The following PPM1H variants were observed in gnomAD, a reference collection of about 807,000 sequenced individuals.
PPM1H encodes the protein protein phosphatase 1H.
A neutral mutation model predicts 54.9 loss-of-function variants in PPM1H; 27 were observed. The observed-to-expected ratio is 0.49, with a 90% CI of 0.36 to 0.68. PPM1H has a LOEUF of 0.68. Ranked by LOEUF, PPM1H falls within the 30% of genes least tolerant of loss-of-function variation. The pLI is 0.00. For missense variants in PPM1H, 596 were observed against 667.8 expected, an observed-to-expected ratio of 0.89 and a Z score of 1.19; for synonymous variants, 305 against 270.8, an observed-to-expected ratio of 1.13 and a Z score of -1.24.
chr12:62,800,617 A>G (rs1013321219), intron 3 of PPM1H, among the ~76,000 whole-genome samples: 2 of 152,054 alleles, frequency 1.3e-5, no homozygotes, highest in African/African-American at 4.8e-5. Context: ...GATTACAGGC[A>G]TGAACCACCG....
chr12:62,854,336 A>G (rs1869304914), intron 1 of PPM1H, among the ~76,000 whole-genome samples: 1 of 152,242 alleles, frequency 6.6e-6, no homozygotes. Flanking sequence ...GCTGCAACTC[A>G]GGAATGATCT....
chr12:62,706,324 C>T lies in PPM1H; in HGVS notation c.1074-12325G>A, dbSNP rs556746569. ...CTACTAACCCCCATATTATTCAGGC[C>T]GCCAAGGCAAGAAGCGCAGGCCTGA... On this transcript the variant is annotated intron_variant, in intron 6 of 9. Coordinates refer to ENST00000228705, the MANE Select transcript of PPM1H (RefSeq NM_020700.2). Among the ~76,000 whole-genome samples, 10 of 152,260 alleles carry T rather than the reference C, an allele frequency of 6.6e-5. No homozygotes were observed. The East Asian group carries it at 7.7e-4, about 12-fold the overall frequency.
chr12:62,789,509 G>C (rs1369824076), intron 3 of PPM1H, among the ~76,000 whole-genome samples: 3 of 152,046 alleles, frequency 2.0e-5, no homozygotes, highest in Admixed American at 6.6e-5. Context: ...TGACTTATAG[G>C]GCTTCTGAAC....
intron 8 of PPM1H, among the ~76,000 whole-genome samples, chr12:62,672,071 A>G (rs2075959574): frequency 6.6e-6 from 1 of 152,130 alleles, no homozygotes; most frequent in South Asian, 2.1e-4. Context: ...CCAACTTAAC[A>G]CCTGGTTCAC....
intron 6 of PPM1H, among the ~76,000 whole-genome samples, chr12:62,710,783 T>C (rs2076203027): frequency 6.6e-6 from 1 of 152,208 alleles, no homozygotes; most frequent in Non-Finnish European, 1.5e-5. Flanking sequence ...CTTTGTCTTT[T>C]TGTTTTCTAG....
intron 1 of PPM1H, among the ~76,000 whole-genome samples, chr12:62,906,722 T>A (rs699580): frequency 0.33 from 50,120 of 152,084 alleles, 9,929 homozygotes; most frequent in Non-Finnish European, 0.45. Context: ...GAGGCAACAA[T>A]AGAAGAAGAT....
At chr12:62,884,783 A>G (rs1170008895) in intron 1 of PPM1H, among the ~76,000 whole-genome samples, 1 of 152,198 alleles carries the variant, frequency 6.6e-6, no homozygotes, top group Non-Finnish European at 1.5e-5. Context: ...AAATTTGGGC[A>G]TGGTAGAGTT....
intron 1 of PPM1H, among the ~76,000 whole-genome samples, chr12:62,879,492 C>T (rs1870311908): frequency 6.6e-6 from 1 of 152,122 alleles, no homozygotes; most frequent in South Asian, 2.1e-4. Flanking sequence ...AACCATCATT[C>T]TCAGCAAAAT....
At chr12:62,822,081 G>T (rs1332715702) in intron 2 of PPM1H, among the ~76,000 whole-genome samples, 1 of 147,850 alleles carries the variant, frequency 6.8e-6, no homozygotes, top group African/African-American at 2.5e-5. Flanking sequence ...CAAATGGAAA[G>T]CAAAAAAAAA....
chr12:62,739,270 G>T (rs1354928038), intron 4 of PPM1H, among the ~76,000 whole-genome samples: 1 of 152,136 alleles, frequency 6.6e-6, no homozygotes, highest in African/African-American at 2.4e-5. Context: ...CCCCACTAAG[G>T]TGTTATCCAC....
At chr12:62,779,295 C>T (rs2076628583) in intron 4 of PPM1H, among the ~76,000 whole-genome samples, 3 of 152,184 alleles carry the variant, frequency 2.0e-5, no homozygotes, top group African/African-American at 4.8e-5. Flanking sequence ...GATCTGCCTG[C>T]CTCGGCCTCC....
chr12:62,828,206 C>T (rs1383473170), intron 2 of PPM1H, among the ~76,000 whole-genome samples: 5 of 152,142 alleles, frequency 3.3e-5, no homozygotes, highest in Non-Finnish European at 7.3e-5. Flanking sequence ...TGTCCAGTGT[C>T]CTCTGCTAGT....
intron 4 of PPM1H, among the ~76,000 whole-genome samples, chr12:62,743,214 G>A (rs2076392102): frequency 6.6e-6 from 1 of 152,080 alleles, no homozygotes; most frequent in Admixed American, 6.5e-5. Context: ...TTAGCTGGGT[G>A]TGGTGGCAGG....
intron 1 of PPM1H, among the ~76,000 whole-genome samples, chr12:62,910,793 C>G (rs932789612): frequency 1.1e-4 from 16 of 152,142 alleles, no homozygotes; most frequent in African/African-American, 3.9e-4. Flanking sequence ...TCTGAAGAAT[C>G]AGACCAAGCC....
chr12:62,754,158 T>C (rs1463067040), intron 4 of PPM1H, among the ~76,000 whole-genome samples: 1 of 152,186 alleles, frequency 6.6e-6, no homozygotes, highest in Non-Finnish European at 1.5e-5. Flanking sequence ...AGGAAGGGCA[T>C]TGAAGAAGAG....
chr12:62,807,611 T>TTTG (rs10691221), intron 2 of PPM1H, among the ~76,000 whole-genome samples: 33,295 of 151,938 alleles, frequency 0.22, 4,081 homozygotes, highest in African/African-American at 0.34. Context: ...TATGCCATGG[T>TTTG]TTGTTGTTTT....
rs1326999454 is a variant in PPM1H, at chr12:62,647,673, A to G, written c.*816T>C. 4 of 152,262 alleles carry G rather than the reference A, an allele frequency of 2.6e-5. No individual in the cohort carries two copies. Among genetic ancestry groups the G allele is most frequent in the Non-Finnish European group, 5.9e-5 (4 of 68,142 alleles). 9.4% of individuals were successfully genotyped at this position (152,262 alleles called of 1,614,324 possible). ...CACAGAAACACTCAGTTTCATGAAA[A>G]CACACTGATTCGGTTAGAAAATGCA... On this transcript the variant is annotated 3_prime_UTR_variant, in exon 10 of 10. Transcript: ENST00000228705.
intron 9 of PPM1H, among the ~76,000 whole-genome samples, chr12:62,653,605 G>C (rs2075827179): frequency 6.6e-6 from 1 of 152,182 alleles, no homozygotes; most frequent in Non-Finnish European, 1.5e-5. Context: ...ATTGTATTTG[G>C]TTATTCTTTT....
rs28377908 is a variant in PPM1H at position 62,817,138 on chromosome 12, A to G, written c.411+14976T>C. 1.5e-3 allele frequency among the ~76,000 whole-genome samples: 130 copies of G among 84,942 alleles called. 3 individuals are homozygous for G. The highest frequency in any genetic ancestry group is 6.0e-3 in the African/African-American group (62 of 10,314). The allele number at this position is 84,942 out of a possible 152,430, so 55.7% of individuals were successfully genotyped here. On this transcript the variant is annotated intron_variant, in intron 2 of 9. Coordinates refer to ENST00000228705, the MANE Select transcript of PPM1H (RefSeq NM_020700.2). Reference sequence around the variant, plus strand: ...TACTAAAAAAAAAAAAAAAAAAAAGAAAAAAAAAAAAACTAAAAAAAAGAA... The same window carrying G: ...TACTAAAAAAAAAAAAAAAAAAAAGGAAAAAAAAAAAACTAAAAAAAAGAA...
Sources: allele counts gnomAD v4.1 joint callset (sites outside exome capture counted in the v4.1 genomes callset), GRCh38; gene constraint gnomAD v4.1.1; transcripts MANE v1.5; gene names NCBI Gene and HGNC (gene_info 2026-07-23, HGNC 2026-07-21).